The following GPR158 variants were observed in gnomAD, a reference collection of about 807,000 sequenced individuals.
GPR158 encodes metabotropic glycine receptor.
In GPR158, 30 loss-of-function variants were observed where a neutral mutation model predicts 78.2. That is an observed-to-expected ratio of 0.38 (90% confidence interval 0.29 to 0.52). GPR158 has a LOEUF of 0.52. Among genes scored for constraint, GPR158 ranks in the 20% least tolerant of loss-of-function variants. The probability of loss-of-function intolerance (pLI) is 0.83; values close to 1 mark genes in which losing one functional copy is unlikely to be tolerated. For synonymous variants in GPR158, 581 were observed against 591.1 expected, an observed-to-expected ratio of 0.98 and a Z score of 0.25; for missense variants, 1,463 against 1,523.5, an observed-to-expected ratio of 0.96 and a Z score of 0.66.
intron 2 of GPR158, among the ~76,000 whole-genome samples, chr10:25,223,825 T>A (rs1853335227): frequency 6.6e-6 from 1 of 152,190 alleles, no homozygotes; most frequent in Non-Finnish European, 1.5e-5. Context: ...GTGGGTTTTA[T>A]CTTGCTAATA....
In GPR158 at chr10:25,175,818, C is replaced by T. The variant is rs752962650; in HGVS notation, c.398C>T (p.Thr133Ile). The T allele has an allele frequency of 1.9e-6, 3 of 1,612,816 alleles. No individual in the cohort carries two copies. Among genetic ancestry groups the T allele is most frequent in the Non-Finnish European group, 2.5e-6 (3 of 1,179,990 alleles). ...GCGCTGGACACACTGACACACGCCA[C>T]CAACTTCCTCAACGTGATGCTGCAG... ...HRALDTLTHA[T>I]NFLNVMLQSN... Residue 133 changes from threonine to isoleucine, a missense_variant, in exon 1 of 11, where the codon ACC becomes ATC. Thr to Ile is a moderately conservative substitution (Grantham distance 89). Coordinates refer to ENST00000376351, the MANE Select transcript of GPR158 (RefSeq NM_020752.3). This position sits in a 1 kb window ranked among gnomAD's most constrained non-coding sequence, Gnocchi z 6.4.
intron 2 of GPR158, among the ~76,000 whole-genome samples, chr10:25,360,142 T>A (rs1855611406): frequency 6.6e-6 from 1 of 152,216 alleles, no homozygotes; most frequent in South Asian, 2.1e-4. Context: ...CTTTGTAGAT[T>A]CTGGATATTA....
chr10:25,567,574 G>C (rs574415178), intron 6 of GPR158, among the ~76,000 whole-genome samples: 1 of 152,248 alleles, frequency 6.6e-6, no homozygotes, highest in African/African-American at 2.4e-5. Flanking sequence ...GCAAAACACT[G>C]TGTTTGTATA....
At position 25,176,736 on chromosome 10, in the gene GPR158, G is replaced by A. The variant is rs868751287; in HGVS notation, c.902+414G>A. Among the ~76,000 whole-genome samples, 2 of 152,378 alleles carry A rather than the reference G, an allele frequency of 1.3e-5. No homozygotes were observed. Among genetic ancestry groups the A allele is most frequent in the African/African-American group, 4.8e-5 (2 of 41,596 alleles). ...GAGTGGCAAGCCTCAGATGAGAGGCGAAAAGGGAGCAGGAGGAACAGAGAG... is the reference window on the plus strand; with the variant it reads ...GAGTGGCAAGCCTCAGATGAGAGGCAAAAAGGGAGCAGGAGGAACAGAGAG... On this transcript the variant is annotated intron_variant, in intron 1 of 10. Coordinates refer to ENST00000376351, the MANE Select transcript of GPR158 (RefSeq NM_020752.3). The surrounding 1 kb of genome is among the most constrained non-coding windows in gnomAD (Gnocchi z 6.3).
At chr10:25,468,096 C>G (rs540826890) in intron 5 of GPR158, among the ~76,000 whole-genome samples, 2 of 152,264 alleles carry the variant, frequency 1.3e-5, no homozygotes, top group Non-Finnish European at 2.9e-5. Context: ...CTCCTTTGCC[C>G]TCTTTCCCTC....
intron 2 of GPR158, among the ~76,000 whole-genome samples, chr10:25,329,611 A>T (rs1400697345): frequency 1.3e-5 from 2 of 151,026 alleles, no homozygotes; most frequent in Non-Finnish European, 2.9e-5. Flanking sequence ...TTTTTTTTTA[A>T]AGTTTGATTG....
rs532409855 is a variant in GPR158 at position 25,430,703 on chromosome 10, T to C, written c.1335+18230T>C. On this transcript the variant is annotated intron_variant, in intron 4 of 10. Coordinates refer to ENST00000376351, the MANE Select transcript of GPR158 (RefSeq NM_020752.3). ...AACAGAACAGAGCCCTCAGAAATAATGCCGCATACCTACAACTATCTGATC... is the reference window on the plus strand; with the variant it reads ...AACAGAACAGAGCCCTCAGAAATAACGCCGCATACCTACAACTATCTGATC... Among the ~76,000 whole-genome samples the C allele has an allele frequency of 5.1e-3, 697 of 137,008 alleles. 27 individuals are homozygous for C. Among genetic ancestry groups the C allele is most frequent in the Admixed American group, 0.041 (552 of 13,628 alleles). The allele number at this position is 137,008 out of a possible 152,430, so 89.9% of individuals were successfully genotyped here.
intron 1 of GPR158, among the ~76,000 whole-genome samples, chr10:25,184,915 G>A (rs1349319816): frequency 2.0e-5 from 3 of 152,090 alleles, no homozygotes; most frequent in Non-Finnish European, 4.4e-5. Context: ...GCCTCAGACC[G>A]CTATGCTGAA....
At chr10:25,194,305 G>A (rs1017950190) in intron 1 of GPR158, among the ~76,000 whole-genome samples, 5 of 152,128 alleles carry the variant, frequency 3.3e-5, no homozygotes, top group South Asian at 2.1e-4. Context: ...TTGGGAGGCC[G>A]AGGCAGGTGG....
chr10:25,390,468 T>G (rs1278491723), intron 2 of GPR158, among the ~76,000 whole-genome samples: 3 of 152,238 alleles, frequency 2.0e-5, no homozygotes, highest in Non-Finnish European at 4.4e-5. Flanking sequence ...AGGTGATTCT[T>G]ACTATGTTTT....
intron 6 of GPR158, among the ~76,000 whole-genome samples, chr10:25,566,818 T>C (rs1836935768): frequency 1.3e-5 from 2 of 152,060 alleles, no homozygotes; most frequent in South Asian, 2.1e-4. Context: ...ACTTTACTTC[T>C]GAAAATGAAA....
chr10:25,353,459 T>C (rs776382975), intron 2 of GPR158, among the ~76,000 whole-genome samples: 22 of 151,284 alleles, frequency 1.5e-4, no homozygotes, highest in Non-Finnish European at 2.8e-4. Context: ...ACATGTACCC[T>C]AAAACTTAAA....
intron 2 of GPR158, among the ~76,000 whole-genome samples, chr10:25,378,197 G>A (rs1056751906): frequency 2.0e-5 from 3 of 152,048 alleles, no homozygotes; most frequent in African/African-American, 2.4e-5. Flanking sequence ...AGAATGATAC[G>A]AGCAAAATTC....
intron 5 of GPR158, among the ~76,000 whole-genome samples, chr10:25,526,354 G>C (rs2130688482): frequency 6.6e-6 from 1 of 152,240 alleles, no homozygotes; most frequent in African/African-American, 2.4e-5. Flanking sequence ...AGTTTATGTA[G>C]TGTGTGAAGA....
chr10:25,356,585 T>C (rs1382326621), intron 2 of GPR158, among the ~76,000 whole-genome samples: 1 of 151,692 alleles, frequency 6.6e-6, no homozygotes, highest in Non-Finnish European at 1.5e-5. Flanking sequence ...TCTTACAAGA[T>C]TTGATAGTTT....
At chr10:25,230,015 C>A (rs565511626) in intron 2 of GPR158, among the ~76,000 whole-genome samples, 1 of 152,186 alleles carries the variant, frequency 6.6e-6, no homozygotes, top group Non-Finnish European at 1.5e-5. Flanking sequence ...TGTTATAGGG[C>A]TTTATGTGGG....
At chr10:25,434,897 C>G (rs1360316488) in intron 4 of GPR158, among the ~76,000 whole-genome samples, 1 of 152,026 alleles carries the variant, frequency 6.6e-6, no homozygotes, top group Admixed American at 6.6e-5. Flanking sequence ...ATTCATCAGA[C>G]TAATAGAAGA....
intron 2 of GPR158, among the ~76,000 whole-genome samples, chr10:25,292,614 A>G (rs893746999): frequency 6.6e-6 from 1 of 152,124 alleles, no homozygotes; most frequent in Non-Finnish European, 1.5e-5. Flanking sequence ...TAAATTTAGT[A>G]TAATGACCTA....
chr10:25,560,896 T>C (rs375540467), intron 6 of GPR158, among the ~76,000 whole-genome samples: 24 of 152,306 alleles, frequency 1.6e-4, no homozygotes, highest in African/African-American at 5.8e-4. Flanking sequence ...CAATCTTGAT[T>C]ACAGAGAAAA....
Sources: gnomAD v4.1 joint callset for allele counts (sites outside exome capture counted in the v4.1 genomes callset) on GRCh38, gnomAD v4.1.1 for gene constraint, Gnocchi (gnomAD v3.1) non-coding constraint, MANE v1.5 for transcripts, NCBI Gene and HGNC (gene_info 2026-07-23, HGNC 2026-07-21) for gene names.